MKI67: variants seen among roughly 807,000 people sequenced by gnomAD.
MKI67 encodes the protein proliferation marker protein Ki-67.
In MKI67, 152 loss-of-function variants were observed where a neutral mutation model predicts 233.5. That is an observed-to-expected ratio of 0.65 (90% CI 0.57 to 0.74). The LOEUF (loss-of-function observed/expected upper bound fraction) is 0.74. MKI67 is among the 30% of genes least tolerant of loss of function. The pLI is 0.00. For synonymous variants in MKI67, 1,465 were observed against 1,418.5 expected, an observed-to-expected ratio of 1.03 and a Z score of -0.74; for missense variants, 3,940 against 3,885.2, an observed-to-expected ratio of 1.01 and a Z score of -0.37.
Position 128,108,097 on chromosome 10 carries a change from T to G in MKI67, c.3743A>C (p.Lys1248Thr). 1 of 1,612,958 alleles carries G rather than the reference T, an allele frequency of 6.2e-7. No homozygotes were observed. The highest frequency in any genetic ancestry group is 8.5e-7 in the Non-Finnish European group (1 of 1,179,804). ...EELVAAGKTT[K>T]IPCDSPQSDP... is the part of the protein sequence containing the mutation. Reference sequence around the variant, plus strand: ...TGACTGTGGAGAGTCGCAGGGTATTTTAGTGGTTTTACCAGCAGCCACTAA... The same window carrying G: ...TGACTGTGGAGAGTCGCAGGGTATTGTAGTGGTTTTACCAGCAGCCACTAA... Residue 1248 changes from lysine to threonine, a missense_variant, in exon 13 of 15, where the codon AAA becomes ACA. Lys to Thr is a moderately conservative substitution (Grantham distance 78). Transcript: ENST00000368654.
Position 128,106,768 on chromosome 10 carries a change from G to A in MKI67, c.5072C>T (p.Thr1691Ile), listed in dbSNP as rs1852508839. 6.2e-7 allele frequency: 1 copy of A among 1,614,128 alleles called. No individual in the cohort carries two copies. ...KQILDSAASL[T>I]GSKRQLRTPK... ...AGTTCTCAGCTGCCTCTTGCTGCCA[G>A]TTAGACTTGCTGCTGAGTCTAAGAT... is the stretch of plus-strand genomic sequence containing the variant. The change falls in exon 13 of 15, where the codon ACT becomes ATT. Residue 1691 changes from threonine (T) to isoleucine (I), a missense_variant. By Grantham distance (89) the Thr-to-Ile change is moderately conservative. Transcript: ENST00000368654.
rs1487313274 is a variant in MKI67 at position 128,115,643 on chromosome 10, TTC to T, written c.763_764del (p.Glu255LysfsTer7). 6.2e-7 allele frequency: 1 copy of T among 1,613,762 alleles called. No homozygotes were observed. Among genetic ancestry groups the T allele is most frequent in the East Asian group, 2.2e-5 (1 of 44,884 alleles). Reference protein sequence around the residue: ...KKELDVKSQKENVLQYCRKSG... With the variant: ...KKELDVKSQKXNVLQYCRKSG... ...ATTTTCTACAATACTGTAGGACATT[TTC>T]TTTTTGTGATTTTACATCCAACTCT... On this transcript the variant is annotated frameshift_variant, in exon 7 of 15. Transcript: ENST00000368654. LOFTEE classifies it high-confidence loss of function.
chr10:128,107,136 T>G lies in MKI67; in HGVS notation c.4704A>C (p.Leu1568Phe). ...PVQKLDLTEN[L>F]TGSKRRLQTP... Reference sequence around the variant, plus strand: ...TTTGTAGCCGTCTCTTGCTGCCAGTTAAGTTCTCTGTCAGGTCCAGTTTCT... The same window carrying G: ...TTTGTAGCCGTCTCTTGCTGCCAGTGAAGTTCTCTGTCAGGTCCAGTTTCT... Residue 1568 changes from leucine to phenylalanine, a missense_variant, in exon 13 of 15, where the codon TTA becomes TTC. By Grantham distance (22) the Leu-to-Phe change is conservative (BLOSUM62 0). Transcript: ENST00000368654. 2 of 1,613,662 alleles carry G rather than the reference T, an allele frequency of 1.2e-6. No homozygotes were observed. Among genetic ancestry groups the G allele is most frequent in the Non-Finnish European group, 1.7e-6 (2 of 1,179,936 alleles).
In MKI67 at chr10:128,107,699, C is replaced by A; in HGVS notation, c.4141G>T (p.Ala1381Ser). 6.2e-7 allele frequency: 1 copy of A among 1,613,876 alleles called. No homozygotes were observed. Among genetic ancestry groups the A allele is most frequent in the Non-Finnish European group, 8.5e-7 (1 of 1,180,010 alleles). ...CTTCTTGTGCTTGTTGGGGTGTCTG[C>A]TGATTCTGGTGGAGAAGATTCGCAG... ...MPCESSPPES[A>S]DTPTSTRRQP... The change falls in exon 13 of 15, where the codon GCA becomes TCA. Residue 1381 changes from alanine to serine, a missense_variant. Coordinates refer to ENST00000368654, the MANE Select transcript of MKI67 (RefSeq NM_002417.5).
intron 11 of MKI67, among the ~76,000 whole-genome samples, 193 bp from the exon 12 acceptor site, chr10:128,110,726 G>T (rs1055418070): frequency 1.3e-5 from 2 of 152,206 alleles, no homozygotes; most frequent in Middle Eastern, 3.2e-3. Flanking sequence ...AGAGCACAGA[G>T]AAGATATGTT....
intron 11 of MKI67, 99 bp downstream of exon 11, chr10:128,111,544 ATC>A: frequency 2.0e-6 from 2 of 1,018,498 alleles, no homozygotes; most frequent in South Asian, 1.7e-5. Context: ...TTATTTTATA[ATC>A]TCTTTCACAG....
intron 2 of MKI67, among the ~76,000 whole-genome samples, chr10:128,123,534 A>G (rs1161322313): frequency 6.6e-6 from 1 of 152,232 alleles, no homozygotes; most frequent in African/African-American, 2.4e-5. Context: ...GTTTGTTTGT[A>G]ATGTTAAATA....
chr10:128,104,054 T>A lies in MKI67; in HGVS notation c.7786A>T (p.Thr2596Ser), dbSNP rs1368962745. 6.2e-7 allele frequency: 1 copy of A among 1,614,070 alleles called. No individual in the cohort carries two copies. Among genetic ancestry groups the A allele is most frequent in the Admixed American group, 1.7e-5 (1 of 60,014 alleles). The change falls in exon 13 of 15, where the codon ACT becomes TCT. Residue 2596 changes from threonine (T) to serine (S), a missense_variant. Physicochemically the swap from Thr to Ser is moderately conservative, Grantham distance 58 (BLOSUM62 1). Coordinates refer to ENST00000368654, the MANE Select transcript of MKI67 (RefSeq NM_002417.5). The part of the protein sequence containing the change: ...CKSPPPELTD[T>S]ATSTKRCPKT... ...GGGCATCTCTTTGTGCTCGTGGCAGTGTCTGTTAGTTCTGGTGGGGGAGAT... is the reference window on the plus strand; with the variant it reads ...GGGCATCTCTTTGTGCTCGTGGCAGAGTCTGTTAGTTCTGGTGGGGGAGAT...
At position 128,107,928 on chromosome 10, in the gene MKI67, A is replaced by C; in HGVS notation, c.3912T>G (p.Gly1304=). Residue 1304 remains glycine, a synonymous_variant, in exon 13 of 15, where the codon GGT becomes GGG. Transcript: ENST00000368654. The part of the protein sequence containing the change: ...KAMHTPKPSV[G]EEKDIIIFVG... ...CAAATATGATGATGTCTTTCTCTTCACCTACTGATGGTTTAGGCGTGTGCA... is the reference window on the plus strand; with the variant it reads ...CAAATATGATGATGTCTTTCTCTTCCCCTACTGATGGTTTAGGCGTGTGCA... 6.2e-7 allele frequency: 1 copy of C among 1,613,280 alleles called. No individual in the cohort carries two copies. The highest frequency in any genetic ancestry group is 8.5e-7 in the Non-Finnish European group (1 of 1,179,902).
In MKI67 at chr10:128,105,063, T is replaced by C. The variant is rs1325993069; in HGVS notation, c.6777A>G (p.Thr2259=). The C allele has an allele frequency of 6.2e-7, 1 of 1,614,028 alleles. No homozygotes were observed. Among genetic ancestry groups the C allele is most frequent in the Non-Finnish European group, 8.5e-7 (1 of 1,180,006 alleles). The change falls in exon 13 of 15, where the codon ACA becomes ACG. Residue 2259 remains threonine, a synonymous_variant. Coordinates refer to ENST00000368654, the MANE Select transcript of MKI67 (RefSeq NM_002417.5). ...TGTCCATAGCTTTCCCTACTGATGG[T>C]GTTCGTTTCCTGAGTGCTAAGGATT... ...EEESLALRKR[T]PSVGKAMDTP... is the part of the protein sequence containing the mutation.
At chr10:128,101,783 G>T in intron 13 of MKI67, 82 bp from the exon 14 acceptor site, 1 of 1,062,962 alleles carries the variant, frequency 9.4e-7, no homozygotes, top group Non-Finnish European at 1.4e-6. Context: ...ACAATCAACA[G>T]TAACCTAAAA....
Position 128,104,800 on chromosome 10 carries a change from G to T in MKI67, c.7040C>A (p.Pro2347Gln), listed in dbSNP as rs1377443639. 8 of 1,613,414 alleles carry T rather than the reference G, an allele frequency of 5.0e-6. No homozygotes were observed. Among genetic ancestry groups the T allele is most frequent in the Non-Finnish European group, 6.8e-6 (8 of 1,179,964 alleles). Reference protein sequence around the residue: ...TTKIACKSPQPDPVDTPASTK... With the variant: ...TTKIACKSPQQDPVDTPASTK... Reference sequence around the variant, plus strand: ...GCTTGCTGGGGTGTCCACTGGGTCTGGTTGTGGAGATTTGCAGGCTATTTT... The same window carrying T: ...GCTTGCTGGGGTGTCCACTGGGTCTTGTTGTGGAGATTTGCAGGCTATTTT... Residue 2347 changes from proline to glutamine, a missense_variant, in exon 13 of 15, where the codon CCA (proline) becomes CAA (glutamine). Physicochemically the swap from Pro to Gln is moderately conservative, Grantham distance 76. Coordinates refer to ENST00000368654, the MANE Select transcript of MKI67 (RefSeq NM_002417.5).
chr10:128,108,704 G>T lies in MKI67; in HGVS notation c.3136C>A (p.Arg1046=), dbSNP rs966446581. The T allele has an allele frequency of 6.2e-7, 1 of 1,614,178 alleles. No homozygotes were observed. The highest frequency in any genetic ancestry group is 8.5e-7 in the Non-Finnish European group (1 of 1,180,034). ...EELLAVGKFT[R]TSGETTHTHR... is the part of the protein sequence containing the mutation. Reference sequence around the variant, plus strand: ...GTGTGCGTGGTCTCCCCTGACGTCCGTGTGAACTTGCCGACTGCTAGGAGC... The same window carrying T: ...GTGTGCGTGGTCTCCCCTGACGTCCTTGTGAACTTGCCGACTGCTAGGAGC... The change falls in exon 13 of 15, where the codon CGG becomes AGG. Residue 1046 remains arginine (R), a synonymous_variant. Transcript: ENST00000368654.
chr10:128,111,552 C>G, intron 11 of MKI67, 93 bp downstream of exon 11: 45 of 700,596 alleles, frequency 6.4e-5, no homozygotes, highest in Middle Eastern at 7.4e-4. Flanking sequence ...TAATCTCTTT[C>G]ACAGCAGATA....
rs1852389500 is a variant in MKI67, at chr10:128,103,369, G to A, written c.8471C>T (p.Pro2824Leu). The A allele has an allele frequency of 1.9e-6, 3 of 1,613,844 alleles. No homozygotes were observed. The highest frequency in any genetic ancestry group is 1.7e-5 in the Admixed American group (1 of 59,986). ...TTCTAGTTCTGGTGATGATTTGCAGGGTATTTTAGTGGTTTTGTCATCAGT... is the reference window on the plus strand; with the variant it reads ...TTCTAGTTCTGGTGATGATTTGCAGAGTATTTTAGTGGTTTTGTCATCAGT... The part of the protein sequence containing the change: ...SMTDDKTTKI[P>L]CKSSPELEDT... Residue 2824 changes from proline (P) to leucine (L), a missense_variant, in exon 13 of 15, where the codon CCC becomes CTC. By Grantham distance (98) the Pro-to-Leu change is moderately conservative. Transcript: ENST00000368654.
Position 128,097,955 on chromosome 10 carries a change from C to T in MKI67, c.*1235G>A, listed in dbSNP as rs1360355109. 6.6e-6 allele frequency: 1 copy of T among 152,326 alleles called. No individual in the cohort carries two copies. The highest frequency in any genetic ancestry group is 2.4e-5 in the African/African-American group (1 of 41,464). The allele number at this position is 152,326 out of a possible 1,614,324, so 9.4% of individuals were successfully genotyped here. ...GGCTCCCCGCCAGACACTGGGGAAACAAACGTGGAGACAGGGCACTGCCCG... is the reference window on the plus strand; with the variant it reads ...GGCTCCCCGCCAGACACTGGGGAAATAAACGTGGAGACAGGGCACTGCCCG... On this transcript the variant is annotated 3_prime_UTR_variant, in exon 15 of 15. Coordinates refer to ENST00000368654, the MANE Select transcript of MKI67 (RefSeq NM_002417.5).
In MKI67 at chr10:128,125,652, G is replaced by T; in HGVS notation, c.16C>A (p.Arg6Ser). 1 of 1,613,808 alleles carries T rather than the reference G, an allele frequency of 6.2e-7. No homozygotes were observed. Among genetic ancestry groups the T allele is most frequent in the South Asian group, 1.1e-5 (1 of 91,066 alleles). ...CCGCTCCTTTTGATAGTAACCAGGC[G>T]TCTCGTGGGCCACATTTTCTAAACA... is the stretch of plus-strand genomic sequence containing the variant. MWPTR[R>S]LVTIKRSGVD... The change falls in exon 2 of 15, where the codon CGC becomes AGC. Residue 6 changes from arginine to serine, a missense_variant. Arg to Ser is a moderately radical substitution (Grantham distance 110). Coordinates refer to ENST00000368654, the MANE Select transcript of MKI67 (RefSeq NM_002417.5). The surrounding 1 kb of genome is among the most constrained non-coding windows in gnomAD (Gnocchi z 5.3).
chr10:128,107,487 G>T lies in MKI67; in HGVS notation c.4353C>A (p.Ser1451Arg). 2.5e-6 allele frequency: 4 copies of T among 1,613,920 alleles called. No homozygotes were observed. In the South Asian group the frequency reaches 4.4e-5, roughly 18 times the overall value. ...TTTCCTTAGTTTTTGGGTGCCTCTT[G>T]CTACCAGTTACACTTGCTGCTGGGT... ...KLDPAASVTG[S>R]KRHPKTKEKA... is the part of the protein sequence containing the mutation. The change falls in exon 13 of 15, where the codon AGC becomes AGA. Residue 1451 changes from serine (S) to arginine (R), a missense_variant. By Grantham distance (110) the Ser-to-Arg change is moderately radical (BLOSUM62 -1). Transcript: ENST00000368654.
rs1853031545 is a variant in MKI67 at position 128,125,306 on chromosome 10, T to A, written c.92+270A>T. 6.6e-6 allele frequency among the ~76,000 whole-genome samples: 1 copy of A among 152,124 alleles called. No homozygotes were observed. On this transcript the variant is annotated intron_variant, in intron 2 of 14. Coordinates refer to ENST00000368654, the MANE Select transcript of MKI67 (RefSeq NM_002417.5). The surrounding 1 kb of genome is among the most constrained non-coding windows in gnomAD (Gnocchi z 5.3). ...GCCTGCAGCCAGTGACATATGAAGATCATCTACATCTTTCTTTACCGCAAC... is the reference window on the plus strand; with the variant it reads ...GCCTGCAGCCAGTGACATATGAAGAACATCTACATCTTTCTTTACCGCAAC...
Sources: gnomAD v4.1 joint callset for allele counts (sites outside exome capture counted in the v4.1 genomes callset) on GRCh38, gnomAD v4.1.1 for gene constraint, Gnocchi (gnomAD v3.1) non-coding constraint, MANE v1.5 for transcripts, NCBI Gene and HGNC (gene_info 2026-07-23, HGNC 2026-07-21) for gene names.